The following TNFRSF11A variants were observed in gnomAD, a reference collection of about 807,000 sequenced individuals.
The protein encoded by TNFRSF11A is TNF receptor superfamily member 11a.
Under a neutral mutation model 55.7 loss-of-function variants are expected in TNFRSF11A, and 32 were observed. The ratio of observed to expected loss-of-function variants is 0.57; its 90% CI spans 0.43 to 0.77. TNFRSF11A has a LOEUF of 0.77. Ranked by LOEUF, TNFRSF11A falls within the 30% of genes least tolerant of loss-of-function variation. TNFRSF11A has a pLI of 0.00. For synonymous variants in TNFRSF11A, 311 were observed against 331.0 expected, an observed-to-expected ratio of 0.94 and a Z score of 0.65; for missense variants, 753 against 809.8, an observed-to-expected ratio of 0.93 and a Z score of 0.85.
At chr18:62,333,377 A>G (rs1453816454) in intron 1 of TNFRSF11A, among the ~76,000 whole-genome samples, 1 of 152,186 alleles carries the variant, frequency 6.6e-6, no homozygotes, top group Non-Finnish European at 1.5e-5. Context: ...CTCTCCGCTG[A>G]TTCTGACACA....
chr18:62,367,695 G>C (rs1206014628), intron 8 of TNFRSF11A, among the ~76,000 whole-genome samples: 1 of 150,914 alleles, frequency 6.6e-6, no homozygotes, highest in African/African-American at 2.4e-5. Context: ...ATTTAACAAT[G>C]GTACAATACT....
intron 3 of TNFRSF11A, among the ~76,000 whole-genome samples, chr18:62,351,870 C>T (rs528106085): frequency 3.9e-5 from 6 of 152,318 alleles, no homozygotes; most frequent in Admixed American, 6.5e-5. Context: ...AATTTTGGCT[C>T]ACTGCAACCT....
chr18:62,325,993 G>C lies in TNFRSF11A; in HGVS notation c.75+566G>C, dbSNP rs2046069005. Among the ~76,000 whole-genome samples, 1 of 152,206 alleles carries C rather than the reference G, an allele frequency of 6.6e-6. No individual in the cohort carries two copies. The highest frequency in any genetic ancestry group is 2.1e-4 in the South Asian group (1 of 4,828). ...CGGGGAGAGACTGCGCGCGCGCCCC[G>C]GGGATGCTGGACTTGACCCTCGCAG... is the stretch of plus-strand genomic sequence containing the variant. On this transcript the variant is annotated intron_variant, in intron 1 of 9. Transcript: ENST00000586569. This position sits in a 1 kb window ranked among gnomAD's most constrained non-coding sequence, Gnocchi z 4.7.
chr18:62,385,782 GGCCT>G lies in TNFRSF11A; in HGVS notation c.*751_*754del, dbSNP rs2046945774. 1 of 152,074 alleles carries G rather than the reference GGCCT, an allele frequency of 6.6e-6. No individual in the cohort carries two copies. Among genetic ancestry groups the G allele is most frequent in the Non-Finnish European group, 1.5e-5 (1 of 68,096 alleles). The allele number at this position is 152,074 out of a possible 1,614,324, so 9.4% of individuals were successfully genotyped here. A position where few individuals can be genotyped will look rare whatever the true frequency, so the allele number is the denominator to read the frequency against. ...GATTACAGGCGTGAGCCCCCACGCT[GGCCT>G]GCTTTACGTATTTTCTTTTGTGCCC... On this transcript the variant is annotated 3_prime_UTR_variant, in exon 10 of 10. Coordinates refer to ENST00000586569, the MANE Select transcript of TNFRSF11A (RefSeq NM_003839.4).
Position 62,325,651 on chromosome 18 carries a change from C to T in TNFRSF11A, c.75+224C>T, listed in dbSNP as rs2046061802. ...CTGGGGCGCAGAAGGAGCAGGTTGG[C>T]GGGACCGCAACACCCGAAACGGGCT... On this transcript the variant is annotated intron_variant, in intron 1 of 9. Transcript: ENST00000586569. This position sits in a 1 kb window ranked among gnomAD's most constrained non-coding sequence, Gnocchi z 4.7. Among the ~76,000 whole-genome samples the T allele has an allele frequency of 6.6e-6, 1 of 152,130 alleles. No homozygotes were observed. Among genetic ancestry groups the T allele is most frequent in the African/African-American group, 2.4e-5 (1 of 41,460 alleles).
At chr18:62,376,013 G>A (rs1161017332) in intron 9 of TNFRSF11A, among the ~76,000 whole-genome samples, 1 of 152,110 alleles carries the variant, frequency 6.6e-6, no homozygotes, top group Non-Finnish European at 1.5e-5. Flanking sequence ...TATTTACTGT[G>A]TCTTGGAGAA....
intron 1 of TNFRSF11A, among the ~76,000 whole-genome samples, chr18:62,327,713 A>T (rs1411011218): frequency 6.6e-6 from 1 of 152,222 alleles, no homozygotes; most frequent in Non-Finnish European, 1.5e-5. Context: ...GTTGGCATAA[A>T]TGGCTTCCAG....
At chr18:62,340,687 A>G (rs1273953077) in intron 1 of TNFRSF11A, among the ~76,000 whole-genome samples, 1 of 152,162 alleles carries the variant, frequency 6.6e-6, no homozygotes, top group African/African-American at 2.4e-5. Flanking sequence ...TATTTTAAAC[A>G]CTCAGGGCAT....
chr18:62,361,873 T>A, intron 7 of TNFRSF11A, 80 bp downstream of exon 7: 1 of 1,231,014 alleles, frequency 8.1e-7, no homozygotes, highest in Non-Finnish European at 1.2e-6. Flanking sequence ...TTGAGTAGAT[T>A]GTCTACTTGC....
chr18:62,347,211 G>T (rs1377539315), intron 1 of TNFRSF11A, among the ~76,000 whole-genome samples: 2 of 152,234 alleles, frequency 1.3e-5, no homozygotes. Flanking sequence ...CAGGGAACTT[G>T]CATGAATCGC....
At chr18:62,380,193 G>C (rs138511714) in intron 9 of TNFRSF11A, among the ~76,000 whole-genome samples, 182 of 152,318 alleles carry the variant, frequency 1.2e-3, no homozygotes, top group African/African-American at 4.2e-3. Context: ...CGACCACTCT[G>C]CTGCCACTTA....
chr18:62,384,658 G>A (rs1365465962), intron 9 of TNFRSF11A, 93 bp from the exon 10 acceptor site: 2 of 1,482,516 alleles, frequency 1.3e-6, no homozygotes, highest in Non-Finnish European at 1.8e-6. Flanking sequence ...AATCCGGGGA[G>A]CCGCCCTCCA....
chr18:62,326,821 A>G (rs1221406344), intron 1 of TNFRSF11A, among the ~76,000 whole-genome samples: 2 of 152,190 alleles, frequency 1.3e-5, no homozygotes, highest in East Asian at 1.9e-4. Flanking sequence ...GTCATTTCCA[A>G]TTCTAGGGGA....
chr18:62,358,272 G>A lies in TNFRSF11A; in HGVS notation c.452G>A (p.Cys151Tyr), dbSNP rs1385243364. ...HPLQLNKDTVCKPCLAGYFSD... is the reference protein window; with the variant it reads ...HPLQLNKDTVYKPCLAGYFSD... ...GTGCAGCTCAACAAGGACACAGTGT[G>A]CAAACCTTGCCTTGCAGGCTACTTC... The change falls in exon 5 of 10, where the codon TGC (cysteine) becomes TAC (tyrosine). Residue 151 changes from cysteine (C) to tyrosine (Y), a missense_variant. Coordinates refer to ENST00000586569, the MANE Select transcript of TNFRSF11A (RefSeq NM_003839.4). The A allele has an allele frequency of 6.2e-7, 1 of 1,601,028 alleles. No homozygotes were observed. The highest frequency in any genetic ancestry group is 2.3e-5 in the East Asian group (1 of 44,226).
intron 9 of TNFRSF11A, among the ~76,000 whole-genome samples, chr18:62,379,081 A>G (rs1453019518): frequency 6.6e-6 from 1 of 152,224 alleles, no homozygotes; most frequent in African/African-American, 2.4e-5. Flanking sequence ...GTAAAGGGGA[A>G]AAAAACCAAT....
intron 6 of TNFRSF11A, 93 bp downstream of exon 6, chr18:62,360,142 G>C: frequency 1.1e-6 from 1 of 906,910 alleles, no homozygotes; most frequent in South Asian, 1.4e-5. Context: ...ATTTGCGGGC[G>C]TCCTCTCCCC....
rs899581023 is a variant in TNFRSF11A, at chr18:62,357,661, G to A, written c.428-587G>A. ...TGTTTGATACCAACCCTTGGTTGCA[G>A]GGAAAGAGACCTGTAGGGTTCTTCC... On this transcript the variant is annotated intron_variant, in intron 4 of 9. Transcript: ENST00000586569. Among the ~76,000 whole-genome samples, 23 of 152,208 alleles carry A rather than the reference G, an allele frequency of 1.5e-4. 1 individual carries two copies. The highest frequency in any genetic ancestry group is 1.4e-3 in the Admixed American group (22 of 15,282).
chr18:62,380,249 T>A (rs189907329), intron 9 of TNFRSF11A, among the ~76,000 whole-genome samples: 2,378 of 152,284 alleles, frequency 0.016, 39 homozygotes, highest in Middle Eastern at 0.034. Context: ...ATAACTTTTT[T>A]AAAAAAGGTT....
At chr18:62,326,990 T>G (rs2145227460) in intron 1 of TNFRSF11A, among the ~76,000 whole-genome samples, 1 of 152,270 alleles carries the variant, frequency 6.6e-6, no homozygotes, top group Admixed American at 6.5e-5. Flanking sequence ...TTGAAGCTCA[T>G]TATAGCATCC....
Sources: gnomAD v4.1 joint callset for allele counts (sites outside exome capture counted in the v4.1 genomes callset) on GRCh38, gnomAD v4.1.1 for gene constraint, Gnocchi (gnomAD v3.1) non-coding constraint, MANE v1.5 for transcripts, NCBI Gene and HGNC (gene_info 2026-07-23, HGNC 2026-07-21) for gene names.